The following ZNF584 variants were observed in gnomAD, a reference collection of about 807,000 sequenced individuals.
ZNF584 encodes zinc finger protein 584.
ZNF584 carries 12 observed loss-of-function variants against 14.7 expected under a neutral mutation model. The observed-to-expected ratio is 0.82, with a 90% CI of 0.52 to 1.32. The LOEUF (loss-of-function observed/expected upper bound fraction) is 1.32. Among genes scored for constraint, ZNF584 ranks in the 40% most tolerant of loss-of-function variants. ZNF584 has a pLI of 0.00. For missense variants in ZNF584, 478 were observed against 518.8 expected (o/e 0.92, Z 0.76); for synonymous variants, 204 against 190.9 (o/e 1.07, Z -0.57).
upstream of ZNF584, chr19:58,407,312 AAC>A (rs1333676989): frequency 6.6e-6 from 1 of 152,368 alleles, no homozygotes; most frequent in Non-Finnish European, 1.5e-5. Flanking sequence ...CTCCAAGACA[AAC>A]ACAGACCTGC....
chr19:58,404,866 AC>A (rs372162738), upstream of ZNF584: 38,873 of 114,448 alleles, frequency 0.34, 7,255 homozygotes, highest in African/African-American at 0.5. Context: ...CGGGGGGCTG[AC>A]CCCCCCCCCC....
rs1375926910 is a variant in ZNF584, at chr19:58,409,163, G to A, written c.16G>A (p.Glu6Lys). 7.0e-7 allele frequency: 1 copy of A among 1,437,790 alleles called. No individual in the cohort carries two copies. 89.1% of individuals were successfully genotyped at this position (1,437,790 alleles called of 1,614,324 possible). Residue 6 changes from glutamate to lysine, a missense_variant and splice_region_variant, in exon 1 of 4, where the codon GAG becomes AAG. Transcript: ENST00000306910. ...GCACGGTCCAATGGCCGGGGAGGCG[G>A]AGGTGAGCAGAGGATGCCTCCGAGG... MAGEAEAQLDPSLQGL... is the reference protein window; with the variant it reads MAGEAKAQLDPSLQGL...
intron 1 of ZNF584, among the ~76,000 whole-genome samples, chr19:58,409,675 A>C (rs1168224336): frequency 6.6e-6 from 1 of 152,208 alleles, no homozygotes; most frequent in Non-Finnish European, 1.5e-5. Flanking sequence ...CTGGTCACCA[A>C]CCTGATGTCG....
chr19:58,409,110 C>T lies in ZNF584; in HGVS notation c.-38C>T, dbSNP rs775674621. 54 of 1,471,242 alleles carry T rather than the reference C, an allele frequency of 3.7e-5. No homozygotes were observed. Among genetic ancestry groups the T allele is most frequent in the Non-Finnish European group, 4.5e-5 (50 of 1,102,664 alleles). The allele number at this position is 1,471,242 out of a possible 1,614,324, so 91.1% of individuals were successfully genotyped here. ...CGCCCGGGACGCGTTTCGGCTGAGG[C>T]CGTGGGTCCAGTCCACGGGTTCTGC... On this transcript the variant is annotated 5_prime_UTR_variant, in exon 1 of 4. Coordinates refer to ENST00000306910, the MANE Select transcript of ZNF584 (RefSeq NM_173548.3).
chr19:58,417,426 G>A lies in ZNF584; in HGVS notation c.908G>A (p.Cys303Tyr). The part of the protein sequence containing the change: ...IGERPYECTE[C>Y]GKFFKYNNSF... ...GAAAGGCCCTATGAGTGTACAGAATGTGGGAAGTTCTTTAAATACAATAAT... is the reference window on the plus strand; with the variant it reads ...GAAAGGCCCTATGAGTGTACAGAATATGGGAAGTTCTTTAAATACAATAAT... Residue 303 changes from cysteine to tyrosine, a missense_variant, in exon 4 of 4, where the codon TGT becomes TAT. By Grantham distance (194) the Cys-to-Tyr change is radical (BLOSUM62 -2). Transcript: ENST00000306910. 6.2e-7 allele frequency: 1 copy of A among 1,603,652 alleles called. No homozygotes were observed.
At chr19:58,414,919 G>A (rs904372753) in intron 2 of ZNF584, among the ~76,000 whole-genome samples, 1 of 151,732 alleles carries the variant, frequency 6.6e-6, no homozygotes, top group Non-Finnish European at 1.5e-5. Flanking sequence ...TTGAGACAGA[G>A]TCTCGCACTG....
intron 2 of ZNF584, 60 bp from the exon 3 acceptor site, chr19:58,415,464 G>A (rs1208323032): frequency 4.5e-6 from 7 of 1,568,210 alleles, no homozygotes; most frequent in Non-Finnish European, 4.3e-6. Context: ...CCAAAGTGCT[G>A]GGATTACAGG....
Position 58,415,592 on chromosome 19 carries a change from T to A in ZNF584, c.238T>A (p.Trp80Arg), listed in dbSNP as rs765354684. 1.7e-5 allele frequency: 27 copies of A among 1,614,158 alleles called. No individual in the cohort carries two copies. In the East Asian group the frequency reaches 4.9e-4, roughly 29 times the overall value. The change falls in exon 3 of 4, where the codon TGG (tryptophan) becomes AGG (arginine). Residue 80 changes from tryptophan to arginine, a missense_variant. Transcript: ENST00000306910. ...TGATGAACAGTCGTGGGTGCCCAGCTGGGTGGATGTGACTCCAGTCAGCAG... is the reference window on the plus strand; with the variant it reads ...TGATGAACAGTCGTGGGTGCCCAGCAGGGTGGATGTGACTCCAGTCAGCAG... ...EDDEQSWVPS[W>R]VDVTPVSRAE...
chr19:58,410,304 C>G (rs570191667), intron 2 of ZNF584, among the ~76,000 whole-genome samples: 1 of 151,618 alleles, frequency 6.6e-6, no homozygotes, highest in East Asian at 1.9e-4. Flanking sequence ...CTCAACACCT[C>G]TTGCCCCAGG....
intron 1 of ZNF584, 123 bp from the exon 2 acceptor site, chr19:58,409,818 G>A (rs1422763562): frequency 4.2e-6 from 5 of 1,191,254 alleles, no homozygotes; most frequent in East Asian, 2.3e-5. Flanking sequence ...AGAGTTTAGA[G>A]CTCATAGGGA....
At chr19:58,416,543 C>T (rs1320766043) in intron 3 of ZNF584, 2 of 285,794 alleles carry the variant, frequency 7.0e-6, no homozygotes, top group African/African-American at 4.4e-5. Context: ...GCTGGGATTA[C>T]AGGCATGCAT....
At chr19:58,410,583 G>GTGTA (rs1568584537) in intron 2 of ZNF584, among the ~76,000 whole-genome samples, 1 of 26,720 alleles carries the variant, frequency 3.7e-5, no homozygotes, top group South Asian at 8.9e-4. Context: ...GTATATATAT[G>GTGTA]TATATATATG....
At chr19:58,407,974 T>TC (rs1236247466), upstream of ZNF584, among the ~76,000 whole-genome samples, 1 of 149,800 alleles carries the variant, frequency 6.7e-6, no homozygotes, top group African/African-American at 2.4e-5. Flanking sequence ...GGGCGACCTG[T>TC]CCCTGGCATC....
Position 58,409,439 on chromosome 19 carries a change from G to A in ZNF584, c.18+274G>A, listed in dbSNP as rs1300568126. 6.6e-5 allele frequency among the ~76,000 whole-genome samples: 10 copies of A among 152,348 alleles called. No homozygotes were observed. In the East Asian group the frequency reaches 1.7e-3, roughly 26 times the overall value. ...AGGCAATTGCCTATAGGGTAAACTGGGGACGTTGTGCTGGGGGTGTACAGT... is the reference window on the plus strand; with the variant it reads ...AGGCAATTGCCTATAGGGTAAACTGAGGACGTTGTGCTGGGGGTGTACAGT... On this transcript the variant is annotated intron_variant, in intron 1 of 3. Transcript: ENST00000306910.
Position 58,409,116 on chromosome 19 carries a change from G to A in ZNF584, c.-32G>A. The stretch of plus-strand genomic sequence containing the variant: ...GGACGCGTTTCGGCTGAGGCCGTGG[G>A]TCCAGTCCACGGGTTCTGCCCGCAC... On this transcript the variant is annotated 5_prime_UTR_variant, in exon 1 of 4. Coordinates refer to ENST00000306910, the MANE Select transcript of ZNF584 (RefSeq NM_173548.3). 2 of 1,473,284 alleles carry A rather than the reference G, an allele frequency of 1.4e-6. No individual in the cohort carries two copies. The highest frequency in any genetic ancestry group is 9.1e-7 in the Non-Finnish European group (1 of 1,103,956). The allele number at this position is 1,473,284 out of a possible 1,614,324, so 91.3% of individuals were successfully genotyped here. A position where few individuals can be genotyped will look rare whatever the true frequency, so the allele number is the denominator to read the frequency against.
intron 1 of ZNF584, among the ~76,000 whole-genome samples, chr19:58,403,293 T>C (rs948994061): frequency 6.6e-6 from 1 of 152,226 alleles, no homozygotes; most frequent in Non-Finnish European, 1.5e-5. Flanking sequence ...AATAGATAAA[T>C]GGCTAATCTG....
At chr19:58,415,444 A>G in intron 2 of ZNF584, 80 bp from the exon 3 acceptor site, 1 of 1,531,158 alleles carries the variant, frequency 6.5e-7, no homozygotes, top group Non-Finnish European at 8.9e-7. Context: ...GTGATCTCCT[A>G]CCTCACTTTC....
intron 2 of ZNF584, 144 bp from the exon 3 acceptor site, chr19:58,415,380 T>C (rs2052628281): frequency 6.4e-6 from 5 of 785,752 alleles, no homozygotes; most frequent in Non-Finnish European, 9.9e-6. Context: ...ATATTTTTTG[T>C]AGAGTTGGGG....
intron 1 of ZNF584, among the ~76,000 whole-genome samples, chr19:58,402,474 A>G (rs775914239): frequency 2.0e-5 from 3 of 152,248 alleles, no homozygotes; most frequent in Non-Finnish European, 2.9e-5. Flanking sequence ...CTTTCAAAAC[A>G]TAACAGATTT....
Sources: gnomAD v4.1 joint callset for allele counts (sites outside exome capture counted in the v4.1 genomes callset) on GRCh38, gnomAD v4.1.1 for gene constraint, MANE v1.5 for transcripts, NCBI Gene and HGNC (gene_info 2026-07-23, HGNC 2026-07-21) for gene names.